Variants in RPAIN observed in about 807,000 individuals in gnomAD.
RPAIN encodes RPA-interacting protein.
A neutral mutation model predicts 30.5 loss-of-function variants in RPAIN; 29 were observed. The observed-to-expected ratio is 0.95, with a 90% confidence interval of 0.71 to 1.30. The LOEUF (loss-of-function observed/expected upper bound fraction) is 1.30. Among genes scored for constraint, RPAIN ranks in the 50% most tolerant of loss-of-function variants. The pLI, the probability that RPAIN is intolerant of heterozygous loss-of-function variation, is 0.00. For missense variants in RPAIN, 247 were observed against 264.7 expected (o/e 0.93, Z 0.46); for synonymous variants, 101 against 93.5 (o/e 1.08, Z -0.46).
rs1396316027 is a variant in RPAIN, at chr17:5,421,442, G to T, written c.228G>T (p.Glu76Asp). The T allele has an allele frequency of 1.2e-5, 20 of 1,613,964 alleles. No homozygotes were observed. The highest frequency in any genetic ancestry group is 1.7e-5 in the Non-Finnish European group (20 of 1,180,022). ...EEEWNALQSV[E>D]NCPEDLAQLE... ...AGTGGAATGCTTTGCAGTCAGTGGA[G>T]AATTGTCCAGAAGACTTGGCTCAGG... Residue 76 changes from glutamate (E) to aspartate (D), a missense_variant, in exon 2 of 7, where the codon GAG becomes GAT. Coordinates refer to ENST00000381209, the MANE Select transcript of RPAIN (RefSeq NM_001033002.4).
intron 6 of RPAIN, chr17:5,428,482 G>A: frequency 2.1e-6 from 3 of 1,417,342 alleles, no homozygotes; most frequent in South Asian, 3.1e-5. Flanking sequence ...TTGATCAGTA[G>A]TAGTGGTTTT....
chr17:5,431,531 T>C, intron 6 of RPAIN: 1 of 440,448 alleles, frequency 2.3e-6, no homozygotes. Context: ...TTGTATTCTG[T>C]AGGTCTTGAG....
At chr17:5,424,541 C>T (rs1364275897) in intron 3 of RPAIN, among the ~76,000 whole-genome samples, 1 of 152,166 alleles carries the variant, frequency 6.6e-6, no homozygotes, top group African/African-American at 2.4e-5. Flanking sequence ...ATATAGAGAG[C>T]TTTCAATAAT....
At chr17:5,426,112 A>G in intron 4 of RPAIN, 30 bp downstream of exon 4, 1 of 1,573,418 alleles carries the variant, frequency 6.4e-7, no homozygotes, top group African/African-American at 1.3e-5. Flanking sequence ...TTTCAGCATT[A>G]TTCGTTCCCA....
At chr17:5,425,584 C>T in intron 3 of RPAIN, 2 of 350,312 alleles carry the variant, frequency 5.7e-6, no homozygotes, top group Non-Finnish European at 1.1e-5. Context: ...GATCTGCCTG[C>T]CTCAGCCTCC....
intron 3 of RPAIN, among the ~76,000 whole-genome samples, chr17:5,425,658 CTTTA>C (rs10549914): frequency 0.27 from 40,956 of 151,812 alleles, 6,748 homozygotes; most frequent in East Asian, 0.81. Context: ...TCTTTGTCAA[CTTTA>C]TTTAGTTGCC....
At position 5,420,285 on chromosome 17, in the gene RPAIN, C is replaced by T; in HGVS notation, c.75C>T (p.Phe25=). The T allele has an allele frequency of 6.2e-7, 1 of 1,612,778 alleles. No homozygotes were observed. Among genetic ancestry groups the T allele is most frequent in the Non-Finnish European group, 8.5e-7 (1 of 1,179,530 alleles). Residue 25 remains phenylalanine (F), a synonymous_variant, in exon 1 of 7, where the codon TTC becomes TTT. Coordinates refer to ENST00000381209, the MANE Select transcript of RPAIN (RefSeq NM_001033002.4). ...GCTCGCCGCCTTGGAAAGAGGCTTT[C>T]CGGCAGGTGGGTATGGGGTTTGTGC... ...LVGSPPWKEA[F]RQRCLERMRN...
intron 3 of RPAIN, among the ~76,000 whole-genome samples, chr17:5,424,740 T>A (rs1359800506): frequency 2.0e-5 from 3 of 152,228 alleles, no homozygotes; most frequent in Admixed American, 2.0e-4. Flanking sequence ...GAATTTAAAA[T>A]AGCATTTGAC....
chr17:5,422,944 G>C (rs1915016716), intron 3 of RPAIN, 115 bp downstream of exon 3: 5 of 791,072 alleles, frequency 6.3e-6, no homozygotes. Flanking sequence ...TCAGTCAAGT[G>C]TCCAAAAGAC....
chr17:5,420,393 C>T (rs890387160), intron 1 of RPAIN, 102 bp downstream of exon 1: 57 of 1,009,704 alleles, frequency 5.6e-5, no homozygotes, highest in Non-Finnish European at 8.0e-5. Flanking sequence ...GGTGCCGCAG[C>T]GCGCCTGGTC....
In RPAIN at chr17:5,421,230, G is replaced by T. The variant is rs142854281; in HGVS notation, c.82-66G>T. ...TTTCTTTAATGTTTTCTCAACTAAT[G>T]TAAGAGTGTTTTTTAAAAATAGAAA... On this transcript the variant is annotated intron_variant, in intron 1 of 6. Transcript: ENST00000381209. The T allele has an allele frequency of 3.1e-3, 4,594 of 1,480,928 alleles. 5 individuals are homozygous for T. The highest frequency in any genetic ancestry group is 3.8e-3 in the Non-Finnish European group (4,123 of 1,096,170). The allele number at this position is 1,480,928 out of a possible 1,614,324, so 91.7% of individuals were successfully genotyped here. A position where few individuals can be genotyped will look rare whatever the true frequency, so the allele number is the denominator to read the frequency against.
At chr17:5,422,868 C>T (rs2151660651) in intron 3 of RPAIN, 39 bp downstream of exon 3, 1 of 1,468,010 alleles carries the variant, frequency 6.8e-7, no homozygotes, top group Non-Finnish European at 9.5e-7. Flanking sequence ...CTGTATTTAG[C>T]TACTGGAATA....
At chr17:5,428,373 A>G in intron 6 of RPAIN, 162 bp downstream of exon 6, 1 of 1,507,324 alleles carries the variant, frequency 6.6e-7, no homozygotes, top group Non-Finnish European at 8.9e-7. Flanking sequence ...AGTCATTTAG[A>G]CTCAAAGGCC....
At chr17:5,422,942 G>A (rs936018535) in intron 3 of RPAIN, 113 bp downstream of exon 3, 14 of 792,568 alleles carry the variant, frequency 1.8e-5, no homozygotes, top group Non-Finnish European at 2.5e-5. Context: ...CATCAGTCAA[G>A]TGTCCAAAAG....
chr17:5,428,246 G>C, intron 6 of RPAIN, 35 bp downstream of exon 6: 1 of 1,614,060 alleles, frequency 6.2e-7, no homozygotes, highest in Non-Finnish European at 8.5e-7. Flanking sequence ...TGTGGTAAGA[G>C]GGACCTGTGG....
At chr17:5,423,756 G>T (rs912665651) in intron 3 of RPAIN, among the ~76,000 whole-genome samples, 2 of 151,868 alleles carry the variant, frequency 1.3e-5, no homozygotes, top group Non-Finnish European at 2.9e-5. Flanking sequence ...GGCCTTGTTT[G>T]GTTTTTGTTT....
At position 5,428,710 on chromosome 17, in the gene RPAIN, C is replaced by T. The variant is rs535791383; in HGVS notation, c.630+499C>T. On this transcript the variant is annotated intron_variant, in intron 6 of 6. Transcript: ENST00000381209. ...GTAAGGGAACCACCTGTCTTAGAAG[C>T]GTGCTATAGGAACCAATATCTCTTA... 2.4e-4 allele frequency: 232 copies of T among 982,306 alleles called. 1 individual carries two copies. Among genetic ancestry groups the T allele is most frequent in the Non-Finnish European group, 2.6e-4 (206 of 806,388 alleles). 60.8% of individuals were successfully genotyped at this position (982,306 alleles called of 1,614,324 possible).
intron 6 of RPAIN, chr17:5,431,931 C>T (rs1377496662): frequency 3.4e-6 from 1 of 291,598 alleles, no homozygotes; most frequent in Non-Finnish European, 6.6e-6. Flanking sequence ...TATTGATCCC[C>T]TACTGCTCAA....
intron 1 of RPAIN, 126 bp downstream of exon 1, chr17:5,420,417 G>T (rs1914639277): frequency 8.2e-6 from 6 of 729,540 alleles, no homozygotes; most frequent in South Asian, 1.8e-5. Context: ...TCAAACCCAG[G>T]CCTGCTGACT....
Sources: allele counts gnomAD v4.1 joint callset (sites outside exome capture counted in the v4.1 genomes callset), GRCh38; gene constraint gnomAD v4.1.1; transcripts MANE v1.5; gene names NCBI Gene and HGNC (gene_info 2026-07-23, HGNC 2026-07-21).